TERT: variants seen among roughly 807,000 people sequenced by gnomAD.
TERT encodes telomerase catalytic subunit.
TERT carries 42 observed loss-of-function variants against 104.0 expected under a neutral mutation model. The observed-to-expected ratio is 0.40, with a 90% confidence interval of 0.32 to 0.52. TERT has a LOEUF of 0.52. Among genes scored for constraint, TERT ranks in the 20% least tolerant of loss-of-function variants. The probability of loss-of-function intolerance (pLI) is 0.43; values close to 1 mark genes in which losing one functional copy is unlikely to be tolerated. For missense variants in TERT, 1,101 were observed against 1,610.3 expected (o/e 0.68, Z 5.41); for synonymous variants, 781 against 725.6 (o/e 1.08, Z -1.23).
In TERT at chr5:1,258,579, C is replaced by A; in HGVS notation, c.3032+19G>T. 1.9e-6 allele frequency: 3 copies of A among 1,560,356 alleles called. No individual in the cohort carries two copies. The highest frequency in any genetic ancestry group is 2.6e-6 in the Non-Finnish European group (3 of 1,151,616). ...AGGGTCCCTGGAGGCTGGGCCTGCA[C>A]CCCTTGGTGGCGGCTCACCTGTACG... On this transcript the variant is annotated intron_variant, in intron 13 of 15. Transcript: ENST00000310581.
intron 11 of TERT, chr5:1,264,115 G>A (rs1470074571): frequency 1.7e-5 from 8 of 483,368 alleles, no homozygotes; most frequent in Non-Finnish European, 2.3e-5. Context: ...GGCGTCTTGG[G>A]TTCGGATCCA....
At chr5:1,289,714 G>A (rs1413495934) in intron 2 of TERT, among the ~76,000 whole-genome samples, 4 of 86,014 alleles carry the variant, frequency 4.7e-5, no homozygotes, top group Admixed American at 1.2e-4. Context: ...ACCCGGGGAC[G>A]GCGCCTCACT....
rs1289161364 is a variant in TERT at position 1,263,634 on chromosome 5, G to A, written c.2843+770C>T. On this transcript the variant is annotated intron_variant, in intron 11 of 15. Coordinates refer to ENST00000310581, the MANE Select transcript of TERT (RefSeq NM_198253.3). The surrounding 1 kb of genome is among the most constrained non-coding windows in gnomAD (Gnocchi z 5.3). ...TTGGTTAGGTTGGCCTCAAACTCCTGGCCTCAAGTGATCCACCCACCTCGG... is the reference window on the plus strand; with the variant it reads ...TTGGTTAGGTTGGCCTCAAACTCCTAGCCTCAAGTGATCCACCCACCTCGG... 6.6e-6 allele frequency among the ~76,000 whole-genome samples: 1 copy of A among 152,150 alleles called. No homozygotes were observed. The highest frequency in any genetic ancestry group is 2.4e-5 in the African/African-American group (1 of 41,436).
intron 12 of TERT, among the ~76,000 whole-genome samples, chr5:1,260,217 G>GCA (rs1748125619): frequency 6.6e-6 from 1 of 152,216 alleles, no homozygotes; most frequent in African/African-American, 2.4e-5. Context: ...ACACGACTGT[G>GCA]CACGAACACA....
intron 2 of TERT, among the ~76,000 whole-genome samples, chr5:1,283,930 CTG>C: frequency 6.7e-6 from 1 of 148,602 alleles, no homozygotes; most frequent in Non-Finnish European, 1.5e-5. Flanking sequence ...CAACCGGACA[CTG>C]CACAACCAGC....
intron 13 of TERT, among the ~76,000 whole-genome samples, chr5:1,258,029 T>C (rs1182804949): frequency 6.6e-6 from 1 of 152,188 alleles, no homozygotes; most frequent in Non-Finnish European, 1.5e-5. Context: ...CCCTCTGTGA[T>C]AAAGTTGTCG....
intron 2 of TERT, chr5:1,282,931 G>T: frequency 4.7e-6 from 2 of 422,476 alleles, no homozygotes; most frequent in Non-Finnish European, 8.7e-6. Flanking sequence ...AACTCACCCC[G>T]GACCTGCACC....
At position 1,253,477 on chromosome 5, in the gene TERT, C is replaced by A. The variant is rs34527601; in HGVS notation, c.*251G>T. On this transcript the variant is annotated 3_prime_UTR_variant, in exon 16 of 16. Coordinates refer to ENST00000310581, the MANE Select transcript of TERT (RefSeq NM_198253.3). ...AAGCTGGCCCTGGGGTGGAGCCGAG[C>A]GCCAGCCTGTGGGGAAGTGAAGACG... is the stretch of plus-strand genomic sequence containing the variant. 5 of 583,172 alleles carry A rather than the reference C, an allele frequency of 8.6e-6. No individual in the cohort carries two copies. Among genetic ancestry groups the A allele is most frequent in the Non-Finnish European group, 1.5e-5 (5 of 325,728 alleles). The allele number at this position is 583,172 out of a possible 1,614,324, so 36.1% of individuals were successfully genotyped here.
Position 1,274,997 on chromosome 5 carries a change from T to G in TERT, c.2287-2717A>C, listed in dbSNP as rs112801079. ...GAGAGTCATGAAATGGAAAGACCCCTAGCGAGACCTGGAGAAGGAAAACGG... is the reference window on the plus strand; with the variant it reads ...GAGAGTCATGAAATGGAAAGACCCCGAGCGAGACCTGGAGAAGGAAAACGG... On this transcript the variant is annotated intron_variant, in intron 6 of 15. Coordinates refer to ENST00000310581, the MANE Select transcript of TERT (RefSeq NM_198253.3). This position sits in a 1 kb window ranked among gnomAD's most constrained non-coding sequence, Gnocchi z 5.3. 9.4e-3 allele frequency among the ~76,000 whole-genome samples: 1,431 copies of G among 152,218 alleles called. 17 individuals are homozygous for G. Among genetic ancestry groups the G allele is most frequent in the African/African-American group, 0.032 (1,336 of 41,524 alleles).
intron 2 of TERT, among the ~76,000 whole-genome samples, chr5:1,284,554 G>A (rs1412653938): frequency 6.8e-6 from 1 of 147,990 alleles, no homozygotes. Flanking sequence ...CCAGCTCACC[G>A]CAGGGTCTGG....
In TERT at chr5:1,263,557, C is replaced by A. The variant is rs1195690336; in HGVS notation, c.2843+847G>T. ...TAGCGGGGACTACAGGCGTGTGCCACCAGGCCAGGCTAATTTTTGTATTTT... is the reference window on the plus strand; with the variant it reads ...TAGCGGGGACTACAGGCGTGTGCCAACAGGCCAGGCTAATTTTTGTATTTT... On this transcript the variant is annotated intron_variant, in intron 11 of 15. Coordinates refer to ENST00000310581, the MANE Select transcript of TERT (RefSeq NM_198253.3). This position sits in a 1 kb window ranked among gnomAD's most constrained non-coding sequence, Gnocchi z 5.3. Among the ~76,000 whole-genome samples, 2 of 152,172 alleles carry A rather than the reference C, an allele frequency of 1.3e-5. No homozygotes were observed. The highest frequency in any genetic ancestry group is 4.8e-5 in the African/African-American group (2 of 41,432).
chr5:1,291,566 CT>C (rs1750967736), intron 2 of TERT, among the ~76,000 whole-genome samples: 1 of 127,540 alleles, frequency 7.8e-6, no homozygotes. Context: ...GGGACCGCGC[CT>C]CACTCACCCT....
At position 1,253,824 on chromosome 5, in the gene TERT, C is replaced by T. The variant is rs551516320; in HGVS notation, c.3303G>A (p.Thr1101=). 3.4e-5 allele frequency: 55 copies of T among 1,609,418 alleles called. No individual in the cohort carries two copies. The East Asian group carries it at 6.5e-4, about 19-fold the overall frequency. ...TCCCCGGGAGCTTCCGACTCAGCTG[C>T]GTCTGGGCTGCGGGGCCAAAATCAG... ...PLLGSLRTAQ[T]QLSRKLPGTT... The change falls in exon 16 of 16, where the codon ACG becomes ACA. Residue 1101 remains threonine, a synonymous_variant. Coordinates refer to ENST00000310581, the MANE Select transcript of TERT (RefSeq NM_198253.3).
intron 3 of TERT, among the ~76,000 whole-genome samples, chr5:1,281,544 C>T (rs1451606108): frequency 2.0e-5 from 3 of 152,222 alleles, no homozygotes; most frequent in African/African-American, 4.8e-5. Flanking sequence ...CCAGCGCTCC[C>T]GTCCCTCACT....
chr5:1,264,661 G>C (rs1748471892), intron 10 of TERT, 69 bp from the exon 11 acceptor site: 1 of 1,567,878 alleles, frequency 6.4e-7, no homozygotes, highest in South Asian at 1.1e-5. Context: ...TGACACCCTT[G>C]TTAAATGCTT....
chr5:1,281,393 C>A (rs1250419278), intron 3 of TERT, among the ~76,000 whole-genome samples: 2 of 152,202 alleles, frequency 1.3e-5, no homozygotes, highest in African/African-American at 2.4e-5. Flanking sequence ...TGGGGTGTCA[C>A]AAGGCCCCCC....
chr5:1,256,615 C>G lies in TERT; in HGVS notation c.3033-1204G>C, dbSNP rs1747756855. On this transcript the variant is annotated intron_variant, in intron 13 of 15. Coordinates refer to ENST00000310581, the MANE Select transcript of TERT (RefSeq NM_198253.3). This position sits in a 1 kb window ranked among gnomAD's most constrained non-coding sequence, Gnocchi z 7.0. Reference sequence around the variant, plus strand: ...ACTTCCTGAGCCACTTCTGGAATGACCTGAGATCACACCAGTCAAGCCAGC... The same window carrying G: ...ACTTCCTGAGCCACTTCTGGAATGAGCTGAGATCACACCAGTCAAGCCAGC... Among the ~76,000 whole-genome samples the G allele has an allele frequency of 6.6e-6, 1 of 152,088 alleles. No homozygotes were observed. Among genetic ancestry groups the G allele is most frequent in the South Asian group, 2.1e-4 (1 of 4,810 alleles).
chr5:1,263,928 G>A lies in TERT; in HGVS notation c.2843+476C>T, dbSNP rs1220190287. Among the ~76,000 whole-genome samples the A allele has an allele frequency of 2.6e-5, 4 of 152,210 alleles. No individual in the cohort carries two copies. Among genetic ancestry groups the A allele is most frequent in the Non-Finnish European group, 5.9e-5 (4 of 68,032 alleles). On this transcript the variant is annotated intron_variant, in intron 11 of 15. Transcript: ENST00000310581. This position sits in a 1 kb window ranked among gnomAD's most constrained non-coding sequence, Gnocchi z 5.3. The stretch of plus-strand genomic sequence containing the variant: ...TCATGGCATCCTGTAGACTGTGGAT[G>A]AGCCTTGGAGTGTGGGGCTCACAGC...
At position 1,269,317 on chromosome 5, in the gene TERT, A is replaced by G. The variant is rs1748853114; in HGVS notation, c.2469-684T>C. Reference sequence around the variant, plus strand: ...AGCGCTATAGGTGGTCACCTTAAAAAGAGGCTTTCCGGCTGGGCGTGATGG... The same window carrying G: ...AGCGCTATAGGTGGTCACCTTAAAAGGAGGCTTTCCGGCTGGGCGTGATGG... On this transcript the variant is annotated intron_variant, in intron 8 of 15. Coordinates refer to ENST00000310581, the MANE Select transcript of TERT (RefSeq NM_198253.3). This position sits in a 1 kb window ranked among gnomAD's most constrained non-coding sequence, Gnocchi z 9.0. 6.6e-6 allele frequency among the ~76,000 whole-genome samples: 1 copy of G among 152,200 alleles called. No individual in the cohort carries two copies. The highest frequency in any genetic ancestry group is 1.5e-5 in the Non-Finnish European group (1 of 68,030).
Sources: allele counts gnomAD v4.1 joint callset (sites outside exome capture counted in the v4.1 genomes callset), GRCh38; gene constraint gnomAD v4.1.1; non-coding constraint Gnocchi (gnomAD v3.1); transcripts MANE v1.5; gene names NCBI Gene and HGNC (gene_info 2026-07-23, HGNC 2026-07-21).